Variants in LIN7A observed in about 807,000 individuals in gnomAD.
LIN7A encodes protein lin-7 homolog A.
In LIN7A, 25 loss-of-function variants were observed where a neutral mutation model predicts 29.8. The ratio of observed to expected loss-of-function variants is 0.84; its 90% CI spans 0.61 to 1.17. The LOEUF (loss-of-function observed/expected upper bound fraction) is 1.17. Ranked by LOEUF, LIN7A falls within the 50% of genes most tolerant of loss-of-function variation. The pLI is 0.00. For missense variants in LIN7A, 239 were observed against 287.0 expected, an observed-to-expected ratio of 0.83 and a Z score of 1.21; for synonymous variants, 118 against 107.5, an observed-to-expected ratio of 1.10 and a Z score of -0.60.
At chr12:80,834,145 G>A (rs1872507292) in intron 4 of LIN7A, among the ~76,000 whole-genome samples, 3 of 152,144 alleles carry the variant, frequency 2.0e-5, no homozygotes, top group Admixed American at 2.0e-4. Flanking sequence ...CGATTTTTAA[G>A]TATGTAAGGA....
chr12:80,852,907 G>A (rs371592443), intron 2 of LIN7A, among the ~76,000 whole-genome samples: 9 of 152,258 alleles, frequency 5.9e-5, no homozygotes, highest in East Asian at 1.9e-4. Context: ...CTGGGAAAGC[G>A]TTACTCTCGT....
intron 2 of LIN7A, among the ~76,000 whole-genome samples, chr12:80,886,029 T>C (rs2682810): frequency 0.68 from 103,003 of 151,612 alleles, 38,921 homozygotes; most frequent in Non-Finnish European, 0.87. Context: ...TCTGTTTTTG[T>C]TCTGGTGAGT....
At chr12:80,837,108 T>C (rs10862198) in intron 4 of LIN7A, among the ~76,000 whole-genome samples, 37,902 of 151,988 alleles carry the variant, frequency 0.25, 5,270 homozygotes, top group Non-Finnish European at 0.33. Flanking sequence ...GTGGAAAATA[T>C]TCAGTGTGTG....
In LIN7A at chr12:80,909,858, C is replaced by CAA. The variant is rs377017738; in HGVS notation, c.83-20491_83-20490dup. 2.0e-3 allele frequency among the ~76,000 whole-genome samples: 286 copies of CAA among 145,442 alleles called. 1 individual carries two copies. Among genetic ancestry groups the CAA allele is most frequent in the Middle Eastern group, 7.0e-3 (2 of 286 alleles). ...TTTTACATCTAATGACAATTTTTACCAAAAAAAAAAACCCTAAAAACACCT... is the reference window on the plus strand; with the variant it reads ...TTTTACATCTAATGACAATTTTTACCAAAAAAAAAAAAACCCTAAAAACACCT... On this transcript the variant is annotated intron_variant, in intron 1 of 5. Transcript: ENST00000552864.
chr12:80,832,521 C>A, intron 4 of LIN7A: 1 of 477,830 alleles, frequency 2.1e-6, no homozygotes. Context: ...GATGAAATCT[C>A]TTTTCCAGAA....
chr12:80,866,263 ACTACT>A (rs1874130662), intron 2 of LIN7A, among the ~76,000 whole-genome samples: 1 of 152,230 alleles, frequency 6.6e-6, no homozygotes, highest in African/African-American at 2.4e-5. Context: ...AAGCAGTGAG[ACTACT>A]CTATCAAAAG....
intron 2 of LIN7A, among the ~76,000 whole-genome samples, chr12:80,876,757 T>A (rs1036712308): frequency 1.3e-5 from 2 of 152,192 alleles, no homozygotes; most frequent in African/African-American, 4.8e-5. Flanking sequence ...GGATCCACAA[T>A]TATACATTGT....
chr12:80,928,765 G>A (rs1877736856), intron 1 of LIN7A, among the ~76,000 whole-genome samples: 1 of 152,058 alleles, frequency 6.6e-6, no homozygotes, highest in African/African-American at 2.4e-5. Context: ...TGAAGTCTTT[G>A]CCCATGCCTA....
chr12:80,914,883 A>G (rs549956919), intron 1 of LIN7A, among the ~76,000 whole-genome samples: 1 of 152,270 alleles, frequency 6.6e-6, no homozygotes, highest in South Asian at 2.1e-4. Context: ...TCTACAAAAA[A>G]TAAATATTTT....
chr12:80,918,193 A>G (rs1877119098), intron 1 of LIN7A, among the ~76,000 whole-genome samples: 2 of 151,814 alleles, frequency 1.3e-5, no homozygotes, highest in Admixed American at 6.6e-5. Context: ...GACTACAGGC[A>G]TGCACCACCA....
chr12:80,839,383 CTGAGGATCAT>C (rs1369972596), intron 4 of LIN7A, among the ~76,000 whole-genome samples: 1 of 152,156 alleles, frequency 6.6e-6, no homozygotes, highest in Non-Finnish European at 1.5e-5. Flanking sequence ...ACACCTACCA[CTGAGGATCAT>C]TACGGGTAAA....
chr12:80,869,402 C>T (rs990131870), intron 2 of LIN7A, among the ~76,000 whole-genome samples: 4 of 152,074 alleles, frequency 2.6e-5, no homozygotes, highest in East Asian at 1.9e-4. Context: ...TTCTAACCAG[C>T]TCAAACTGCC....
chr12:80,797,068 C>T lies in LIN7A; in HGVS notation c.*659G>A, dbSNP rs369680908. The T allele has an allele frequency of 1.8e-4, 27 of 152,188 alleles. No individual in the cohort carries two copies. The highest frequency in any genetic ancestry group is 6.0e-4 in the African/African-American group (25 of 41,534). The allele number at this position is 152,188 out of a possible 1,614,324, so 9.4% of individuals were successfully genotyped here. A position where few individuals can be genotyped will look rare whatever the true frequency, so the allele number is the denominator to read the frequency against. ...AGTGCTAGAGTTCCTACACTTGCTT[C>T]TAACAAACTAAAAGTTGAGCTAAAA... On this transcript the variant is annotated 3_prime_UTR_variant, in exon 6 of 6. Coordinates refer to ENST00000552864, the MANE Select transcript of LIN7A (RefSeq NM_004664.4).
intron 4 of LIN7A, among the ~76,000 whole-genome samples, chr12:80,826,419 A>G (rs959349265): frequency 2.6e-5 from 4 of 152,176 alleles, no homozygotes; most frequent in African/African-American, 7.2e-5. Context: ...TAATGCGTCA[A>G]TTACCACAAT....
chr12:80,803,368 A>G (rs1870812674), intron 5 of LIN7A, among the ~76,000 whole-genome samples: 1 of 152,186 alleles, frequency 6.6e-6, no homozygotes, highest in South Asian at 2.1e-4. Flanking sequence ...TCCCAACACC[A>G]TTGATTGAAG....
At position 80,883,413 on chromosome 12, in the gene LIN7A, C is replaced by T. The variant is rs528365779; in HGVS notation, c.201+5838G>A. 7.9e-5 allele frequency among the ~76,000 whole-genome samples: 12 copies of T among 152,284 alleles called. No individual in the cohort carries two copies. In the South Asian group the frequency reaches 1.5e-3, roughly 18 times the overall value. On this transcript the variant is annotated intron_variant, in intron 2 of 5. Coordinates refer to ENST00000552864, the MANE Select transcript of LIN7A (RefSeq NM_004664.4). Reference sequence around the variant, plus strand: ...AAACTTGTGTCGTAATGCTACTTCTCATATGGTTGTGAAATTAGGGTGCAA... The same window carrying T: ...AAACTTGTGTCGTAATGCTACTTCTTATATGGTTGTGAAATTAGGGTGCAA...
In LIN7A at chr12:80,893,886, G is replaced by T. The variant is rs932129362; in HGVS notation, c.83-4517C>A. ...AGGAAGTCTTGCAGTATAATGTCAG[G>T]GATACACAGCAGGTGGTAAAAGCCA... On this transcript the variant is annotated intron_variant, in intron 1 of 5. Coordinates refer to ENST00000552864, the MANE Select transcript of LIN7A (RefSeq NM_004664.4). 6.6e-5 allele frequency among the ~76,000 whole-genome samples: 10 copies of T among 152,232 alleles called. No individual in the cohort carries two copies. The East Asian group carries it at 1.9e-3, about 29-fold the overall frequency.
intron 1 of LIN7A, chr12:80,937,363 G>A: frequency 2.8e-6 from 1 of 355,584 alleles, no homozygotes. Flanking sequence ...GACCGGAGAC[G>A]ACCCGGCGAG....
chr12:80,828,706 A>G (rs1305396487), intron 4 of LIN7A, among the ~76,000 whole-genome samples: 1 of 152,214 alleles, frequency 6.6e-6, no homozygotes, highest in African/African-American at 2.4e-5. Flanking sequence ...TTAATGGGTA[A>G]CAAATCATTG....
Sources: gnomAD v4.1 joint callset for allele counts (sites outside exome capture counted in the v4.1 genomes callset) on GRCh38, gnomAD v4.1.1 for gene constraint, MANE v1.5 for transcripts, NCBI Gene and HGNC (gene_info 2026-07-23, HGNC 2026-07-21) for gene names.